The following CREB3L3 variants were observed in gnomAD, a reference collection of about 807,000 sequenced individuals.
CREB3L3 encodes cAMP responsive element binding protein 3 like 3.
Under a neutral mutation model 44.6 loss-of-function variants are expected in CREB3L3, and 40 were observed. The ratio of observed to expected loss-of-function variants is 0.90; its 90% CI spans 0.70 to 1.17. The LOEUF (loss-of-function observed/expected upper bound fraction) is 1.17. Ranked by LOEUF, CREB3L3 falls within the 50% of genes most tolerant of loss-of-function variation. CREB3L3 has a pLI of 0.00. For missense variants in CREB3L3, 578 were observed against 595.8 expected (o/e 0.97, Z 0.31); for synonymous variants, 273 against 256.3 (o/e 1.06, Z -0.62).
rs1047593249 is a variant in CREB3L3 at position 4,170,306 on chromosome 19, G to C, written c.890+98G>C. The C allele has an allele frequency of 4.0e-6, 5 of 1,236,132 alleles. No individual in the cohort carries two copies. In the African/African-American group the frequency reaches 5.9e-5, roughly 15 times the overall value. The allele number at this position is 1,236,132 out of a possible 1,614,324, so 76.6% of individuals were successfully genotyped here. ...GCCCATGTGATGGCAGAATGACATA[G>C]GGAATAAGAGTTTTACCTATGGGCC... is the stretch of plus-strand genomic sequence containing the variant. On this transcript the variant is annotated intron_variant, in intron 7 of 9. Coordinates refer to ENST00000078445, the MANE Select transcript of CREB3L3 (RefSeq NM_032607.3).
chr19:4,169,726 A>T (rs1365662504), intron 6 of CREB3L3, among the ~76,000 whole-genome samples: 2 of 151,186 alleles, frequency 1.3e-5, no homozygotes, highest in Non-Finnish European at 2.9e-5. Context: ...CAAGTTCCCA[A>T]GTAGCTGGAA....
chr19:4,165,736 C>G, intron 5 of CREB3L3, among the ~76,000 whole-genome samples: 1 of 151,808 alleles, frequency 6.6e-6, no homozygotes, highest in East Asian at 1.9e-4. Flanking sequence ...TGGTGGGCAA[C>G]TGTAAGGTGC....
At position 4,159,752 on chromosome 19, in the gene CREB3L3, C is replaced by T; in HGVS notation, c.546C>T (p.Asp182=). Residue 182 remains aspartate (D), a synonymous_variant, in exon 4 of 10, where the codon GAC becomes GAT. Coordinates refer to ENST00000078445, the MANE Select transcript of CREB3L3 (RefSeq NM_032607.3). ...LSPRCNLTVK[D]LLLSGSSGDL... ...CACGATGCAATCTCACCGTGAAAGA[C>T]CTCCTCCTTTCGGGCAGCAGTGGGG... 1 of 1,572,654 alleles carries T rather than the reference C, an allele frequency of 6.4e-7. No homozygotes were observed. Among genetic ancestry groups the T allele is most frequent in the Non-Finnish European group, 8.8e-7 (1 of 1,142,382 alleles).
At chr19:4,170,848 T>G (rs991481924) in intron 7 of CREB3L3, among the ~76,000 whole-genome samples, 12 of 151,830 alleles carry the variant, frequency 7.9e-5, no homozygotes, top group Non-Finnish European at 1.3e-4. Context: ...GAGGCGGAGC[T>G]TGCAGTGAGC....
In CREB3L3 at chr19:4,159,731, A is replaced by G. The variant is rs1407840334; in HGVS notation, c.525A>G (p.Arg175=). The change falls in exon 4 of 10, where the codon CGA becomes CGG. Residue 175 remains arginine, a synonymous_variant. Coordinates refer to ENST00000078445, the MANE Select transcript of CREB3L3 (RefSeq NM_032607.3). ...CTGATCCGGTGGACCTGTCCCCACG[A>G]TGCAATCTCACCGTGAAAGACCTCC... The part of the protein sequence containing the change: ...KPADPVDLSP[R]CNLTVKDLLL... The G allele has an allele frequency of 1.3e-6, 2 of 1,598,302 alleles. No homozygotes were observed. Among genetic ancestry groups the G allele is most frequent in the East Asian group, 2.2e-5 (1 of 44,782 alleles).
At chr19:4,161,153 A>G (rs541337609) in intron 4 of CREB3L3, among the ~76,000 whole-genome samples, 2 of 152,130 alleles carry the variant, frequency 1.3e-5, no homozygotes, top group East Asian at 3.9e-4. Context: ...TAGTGGAGAC[A>G]GGGTTTCATC....
intron 5 of CREB3L3, among the ~76,000 whole-genome samples, chr19:4,164,872 C>A (rs1159543042): frequency 6.6e-6 from 1 of 151,986 alleles, no homozygotes; most frequent in Non-Finnish European, 1.5e-5. Flanking sequence ...CCACGCCCAG[C>A]TAATTTTTGT....
intron 4 of CREB3L3, among the ~76,000 whole-genome samples, chr19:4,164,201 C>A (rs1453658927): frequency 6.6e-6 from 1 of 151,780 alleles, no homozygotes; most frequent in African/African-American, 2.4e-5. Context: ...TCTCAAACTC[C>A]TGACCTAGTG....
intron 3 of CREB3L3, 49 bp from the exon 4 acceptor site, chr19:4,159,615 C>T (rs371720644): frequency 3.8e-5 from 33 of 861,332 alleles, no homozygotes; most frequent in South Asian, 6.6e-5. Flanking sequence ...GCTCAGGACT[C>T]CCCCCGTCTG....
chr19:4,171,052 C>A lies in CREB3L3; in HGVS notation c.891-39C>A. On this transcript the variant is annotated intron_variant, in intron 7 of 9. Transcript: ENST00000078445. The surrounding 1 kb of genome is among the most constrained non-coding windows in gnomAD (Gnocchi z 4.9). ...AAATGGACGAGAAGCAGAACCGAGG[C>A]CCTTTAGGGCTCAGCGGAGGCCTGC... 1 of 1,527,444 alleles carries A rather than the reference C, an allele frequency of 6.5e-7. No individual in the cohort carries two copies. Among genetic ancestry groups the A allele is most frequent in the South Asian group, 1.1e-5 (1 of 89,318 alleles). The allele number at this position is 1,527,444 out of a possible 1,614,324, so 94.6% of individuals were successfully genotyped here. A position where few individuals can be genotyped will look rare whatever the true frequency, so the allele number is the denominator to read the frequency against.
rs1000537218 is a variant in CREB3L3, at chr19:4,154,884, T to C, written c.28-15T>C. The stretch of plus-strand genomic sequence containing the variant: ...GGGCTGTATGTGACCCTCACATCTG[T>C]TCCTCGCGCCCCAGATGGCTTCTGC... On this transcript the variant is annotated splice_polypyrimidine_tract_variant and intron_variant, in intron 1 of 9. Coordinates refer to ENST00000078445, the MANE Select transcript of CREB3L3 (RefSeq NM_032607.3). 1.2e-6 allele frequency: 2 copies of C among 1,613,592 alleles called. No individual in the cohort carries two copies. Among genetic ancestry groups the C allele is most frequent in the African/African-American group, 1.3e-5 (1 of 74,922 alleles).
chr19:4,156,894 C>A, intron 2 of CREB3L3, 101 bp from the exon 3 acceptor site: 1 of 1,249,254 alleles, frequency 8.0e-7, no homozygotes, highest in Non-Finnish European at 1.2e-6. Context: ...GGGAAGGACA[C>A]CTAAGGCCCA....
intron 2 of CREB3L3, among the ~76,000 whole-genome samples, chr19:4,155,608 A>G (rs7253921): frequency 0.041 from 6,227 of 151,488 alleles, 392 homozygotes; most frequent in African/African-American, 0.14. Flanking sequence ...CACCCACCTC[A>G]GCCTCCCAAA....
Position 4,171,013 on chromosome 19 carries a change from C to T in CREB3L3, c.891-78C>T. On this transcript the variant is annotated intron_variant, in intron 7 of 9. Transcript: ENST00000078445. This position sits in a 1 kb window ranked among gnomAD's most constrained non-coding sequence, Gnocchi z 4.9. ...GGATGGAATTTGGACTTTAGCGGGG[C>T]TGGGGGACCCCGGAAATGGACGAGA... is the stretch of plus-strand genomic sequence containing the variant. 9.2e-7 allele frequency: 1 copy of T among 1,084,168 alleles called. No individual in the cohort carries two copies. The allele number at this position is 1,084,168 out of a possible 1,614,324, so 67.2% of individuals were successfully genotyped here. A position where few individuals can be genotyped will look rare whatever the true frequency, so the allele number is the denominator to read the frequency against.
Position 4,171,016 on chromosome 19 carries a change from G to A in CREB3L3, c.891-75G>A. 3 of 1,132,948 alleles carry A rather than the reference G, an allele frequency of 2.6e-6. No individual in the cohort carries two copies. Among genetic ancestry groups the A allele is most frequent in the Non-Finnish European group, 4.1e-6 (3 of 740,660 alleles). The allele number at this position is 1,132,948 out of a possible 1,614,324, so 70.2% of individuals were successfully genotyped here. A position where few individuals can be genotyped will look rare whatever the true frequency, so the allele number is the denominator to read the frequency against. On this transcript the variant is annotated intron_variant, in intron 7 of 9. Transcript: ENST00000078445. The surrounding 1 kb of genome is among the most constrained non-coding windows in gnomAD (Gnocchi z 4.9). ...TGGAATTTGGACTTTAGCGGGGCTG[G>A]GGGACCCCGGAAATGGACGAGAAGC...
chr19:4,156,227 G>C (rs2041574949), intron 2 of CREB3L3, among the ~76,000 whole-genome samples: 1 of 124,428 alleles, frequency 8.0e-6, no homozygotes, highest in Non-Finnish European at 1.6e-5. Context: ...CTGTTGTTTT[G>C]CCCAGGCTGG....
chr19:4,156,846 AG>A, intron 2 of CREB3L3, 148 bp from the exon 3 acceptor site: 1 of 784,760 alleles, frequency 1.3e-6, no homozygotes. Flanking sequence ...GAGCCTCAGC[AG>A]CCCCGGGAGG....
At chr19:4,157,450 C>G (rs2041600573) in intron 3 of CREB3L3, among the ~76,000 whole-genome samples, 155 bp downstream of exon 3, 2 of 152,202 alleles carry the variant, frequency 1.3e-5, no homozygotes, top group African/African-American at 4.8e-5. Flanking sequence ...ACACGTGTCT[C>G]CCTTGGCTAG....
intron 4 of CREB3L3, among the ~76,000 whole-genome samples, chr19:4,162,851 T>C (rs1194842941): frequency 6.6e-6 from 1 of 151,962 alleles, no homozygotes; most frequent in Non-Finnish European, 1.5e-5. Context: ...GGCGGTACGC[T>C]CTGTGGTTCC....
Sources: gnomAD v4.1 joint callset for allele counts (sites outside exome capture counted in the v4.1 genomes callset) on GRCh38, gnomAD v4.1.1 for gene constraint, Gnocchi (gnomAD v3.1) non-coding constraint, MANE v1.5 for transcripts, NCBI Gene and HGNC (gene_info 2026-07-23, HGNC 2026-07-21) for gene names.